SEPTIN11: variants seen among roughly 807,000 people sequenced by gnomAD.
The protein encoded by SEPTIN11 is septin 11.
SEPTIN11 carries 25 observed loss-of-function variants against 51.4 expected under a neutral mutation model. The observed-to-expected ratio is 0.49, with a 90% confidence interval of 0.35 to 0.68. The LOEUF is 0.68. Among genes scored for constraint, SEPTIN11 ranks in the 30% least tolerant of loss-of-function variants. The pLI is 0.00. For missense variants in SEPTIN11, 381 were observed against 520.8 expected, an observed-to-expected ratio of 0.73 and a Z score of 2.61; for synonymous variants, 174 against 184.1, an observed-to-expected ratio of 0.95 and a Z score of 0.44.
intron 3 of SEPTIN11, 21 bp downstream of exon 3, chr4:77,005,817 G>A (rs769026493): frequency 5.0e-6 from 8 of 1,607,710 alleles, no homozygotes; most frequent in Non-Finnish European, 6.8e-6. Context: ...GGATTTTGGG[G>A]GGACATGAAT....
At chr4:77,039,208 T>G (rs1432198366), downstream of SEPTIN11, 1 of 1,254,302 alleles carries the variant, frequency 8.0e-7, no homozygotes, top group Non-Finnish European at 1.0e-6. Context: ...CTCCTGTTCT[T>G]TTAAAGTCTG....
chr4:77,020,559 A>C lies in SEPTIN11; in HGVS notation c.842A>C (p.Asn281Thr), dbSNP rs757027706. 4 of 1,614,064 alleles carry C rather than the reference A, an allele frequency of 2.5e-6. No individual in the cohort carries two copies. Among genetic ancestry groups the C allele is most frequent in the Non-Finnish European group, 3.4e-6 (4 of 1,180,004 alleles). ...CTTCGAGAGATGCTGATCCGCGTGA[A>C]CATGGAGGACTTGCGAGAGCAGACT... ...VKLREMLIRV[N>T]MEDLREQTHT... Residue 281 changes from asparagine (N) to threonine (T), a missense_variant, in exon 7 of 10, where the codon AAC (asparagine) becomes ACC (threonine). Physicochemically the swap from Asn to Thr is moderately conservative, Grantham distance 65. Around this residue, in one of 2 missense-constraint regions of SEPTIN11, gnomAD observed 197 missense variants for 313.1 expected, o/e 0.63. Transcript: ENST00000264893.
chr4:77,015,558 G>A (rs184730655), intron 5 of SEPTIN11, among the ~76,000 whole-genome samples: 2 of 152,166 alleles, frequency 1.3e-5, no homozygotes, highest in Non-Finnish European at 2.9e-5. Flanking sequence ...CCCTCCTGGT[G>A]AGTCTCCATC....
At chr4:77,027,862 T>G (rs912517211) in intron 7 of SEPTIN11, among the ~76,000 whole-genome samples, 3 of 152,220 alleles carry the variant, frequency 2.0e-5, no homozygotes, top group Non-Finnish European at 2.9e-5. Context: ...TAGCATTCAA[T>G]GTAGAATATT....
chr4:76,981,396 A>G (rs1463900366), intron 1 of SEPTIN11, among the ~76,000 whole-genome samples: 3 of 152,244 alleles, frequency 2.0e-5, no homozygotes, highest in African/African-American at 7.2e-5. Context: ...GAAAGCCAGC[A>G]TATAAAATCT....
chr4:77,023,092 C>A (rs974483714), intron 7 of SEPTIN11, among the ~76,000 whole-genome samples: 1 of 152,136 alleles, frequency 6.6e-6, no homozygotes, highest in Admixed American at 6.5e-5. Flanking sequence ...CAAGGGACAG[C>A]TGCTGGGCAA....
intron 1 of SEPTIN11, among the ~76,000 whole-genome samples, chr4:76,966,664 C>A (rs1722048146): frequency 6.6e-6 from 1 of 151,500 alleles, no homozygotes; most frequent in Non-Finnish European, 1.5e-5. Flanking sequence ...GAGGTTGAGA[C>A]CAGCCCCGGC....
chr4:77,017,277 T>C (rs1725370651), intron 5 of SEPTIN11, among the ~76,000 whole-genome samples: 1 of 152,232 alleles, frequency 6.6e-6, no homozygotes, highest in Admixed American at 6.5e-5. Context: ...ATCAGATTAA[T>C]AGAACTGAAT....
Position 77,038,386 on chromosome 4 carries a change from C to T in SEPTIN11, c.*3874C>T, listed in dbSNP as rs1171603308. 2.0e-6 allele frequency: 2 copies of T among 985,796 alleles called. No homozygotes were observed. Among genetic ancestry groups the T allele is most frequent in the East Asian group, 2.3e-4 (2 of 8,818 alleles). The allele number at this position is 985,796 out of a possible 1,614,324, so 61.1% of individuals were successfully genotyped here. A position where few individuals can be genotyped will look rare whatever the true frequency, so the allele number is the denominator to read the frequency against. On this transcript the variant is annotated 3_prime_UTR_variant, in exon 10 of 10. Transcript: ENST00000264893. ...GTGTAATCTACTTTCATTGTTAATG[C>T]AGAATTGTCATATATGTAAGCTGCA...
At chr4:77,019,027 T>A (rs561758348) in intron 5 of SEPTIN11, 138 bp from the exon 6 acceptor site, 3 of 684,736 alleles carry the variant, frequency 4.4e-6, no homozygotes, top group Admixed American at 5.2e-5. Flanking sequence ...ATACGTGACA[T>A]CCACCCACCA....
intron 2 of SEPTIN11, among the ~76,000 whole-genome samples, chr4:76,996,882 TC>T (rs1378846450): frequency 1.3e-4 from 14 of 111,618 alleles, no homozygotes; most frequent in Non-Finnish European, 2.4e-4. Flanking sequence ...TCTAGCCATA[TC>T]TTTTTTTTTT....
At chr4:76,950,720 A>T (rs960586577) in intron 1 of SEPTIN11, among the ~76,000 whole-genome samples, 2 of 152,102 alleles carry the variant, frequency 1.3e-5, no homozygotes, top group Non-Finnish European at 2.9e-5. Flanking sequence ...CGCCGCGCCT[A>T]CTGGGTTGCA....
intron 6 of SEPTIN11, 105 bp from the exon 7 acceptor site, chr4:77,020,397 A>C: frequency 9.5e-6 from 13 of 1,369,810 alleles, no homozygotes; most frequent in African/African-American, 1.4e-5. Flanking sequence ...TTGAGACCCC[A>C]GAGATTTCAG....
At chr4:77,023,269 T>TACACACACACACACACAC (rs61693678) in intron 7 of SEPTIN11, among the ~76,000 whole-genome samples, 1 of 139,256 alleles carries the variant, frequency 7.2e-6, no homozygotes, top group Non-Finnish European at 1.5e-5. Flanking sequence ...GGAAAATGTA[T>TACACACACACACACACAC]ACACACACAC....
chr4:76,999,422 CTT>C (rs1723964122), intron 2 of SEPTIN11, among the ~76,000 whole-genome samples: 1 of 152,206 alleles, frequency 6.6e-6, no homozygotes, highest in Non-Finnish European at 1.5e-5. Context: ...TCCATGGTAA[CTT>C]TTCCTCCTTA....
chr4:77,006,417 T>C (rs1724481776), intron 3 of SEPTIN11, among the ~76,000 whole-genome samples: 1 of 152,232 alleles, frequency 6.6e-6, no homozygotes, highest in Non-Finnish European at 1.5e-5. Flanking sequence ...CAACCCATGT[T>C]AGTCTTAGTC....
chr4:77,014,712 A>T (rs1725095792), intron 4 of SEPTIN11, 144 bp from the exon 5 acceptor site: 5 of 702,602 alleles, frequency 7.1e-6, no homozygotes, highest in South Asian at 3.8e-5. Flanking sequence ...TTTATGGGGT[A>T]CATGAGATGT....
chr4:76,951,584 A>G (rs1341236676), intron 1 of SEPTIN11, among the ~76,000 whole-genome samples: 1 of 152,220 alleles, frequency 6.6e-6, no homozygotes, highest in African/African-American at 2.4e-5. Context: ...GATTCAGAGA[A>G]CTAAAATAAC....
intron 3 of SEPTIN11, among the ~76,000 whole-genome samples, 163 bp from the exon 4 acceptor site, chr4:77,011,572 G>A (rs983887311): frequency 6.6e-5 from 10 of 152,064 alleles, no homozygotes; most frequent in African/African-American, 2.4e-4. Flanking sequence ...CAGGAGAGGT[G>A]AGCCTGGAGC....
Sources: allele counts gnomAD v4.1 joint callset (sites outside exome capture counted in the v4.1 genomes callset), GRCh38; gene constraint gnomAD v4.1.1; regional missense constraint gnomAD v4.1.1; transcripts MANE v1.5; gene names NCBI Gene and HGNC (gene_info 2026-07-23, HGNC 2026-07-21).